The following EPB41L2 variants were observed in gnomAD, a reference collection of about 807,000 sequenced individuals.
EPB41L2 encodes the protein band 4.1-like protein 2.
A neutral mutation model predicts 113.0 loss-of-function variants in EPB41L2; 43 were observed. That is an observed-to-expected ratio of 0.38 (90% CI 0.30 to 0.49). EPB41L2 has a LOEUF of 0.49. Ranked by LOEUF, EPB41L2 falls within the 20% of genes least tolerant of loss-of-function variation. The pLI, the probability that EPB41L2 is intolerant of heterozygous loss-of-function variation, is 0.95. For synonymous variants in EPB41L2, 442 were observed against 436.7 expected, an observed-to-expected ratio of 1.01 and a Z score of -0.15; for missense variants, 1,147 against 1,223.4, an observed-to-expected ratio of 0.94 and a Z score of 0.93.
intron 1 of EPB41L2, among the ~76,000 whole-genome samples, chr6:131,030,647 T>C (rs1426091775): frequency 6.6e-6 from 1 of 152,242 alleles, no homozygotes; most frequent in Non-Finnish European, 1.5e-5. Context: ...ACCATTTATA[T>C]TATGATTCCA....
At chr6:130,949,779 A>C (rs148827865) in intron 3 of EPB41L2, among the ~76,000 whole-genome samples, 1 of 152,092 alleles carries the variant, frequency 6.6e-6, no homozygotes, top group Non-Finnish European at 1.5e-5. Flanking sequence ...AGACAGCAAG[A>C]CCAGTCCCTC....
chr6:130,982,582 T>C (rs530618986), intron 1 of EPB41L2, among the ~76,000 whole-genome samples: 6 of 152,192 alleles, frequency 3.9e-5, no homozygotes, highest in Non-Finnish European at 8.8e-5. Context: ...GAAACGGACA[T>C]GAAAACTTTG....
At chr6:130,868,730 T>C (rs1784694123) in intron 15 of EPB41L2, 1 of 152,194 alleles carries the variant, frequency 6.6e-6, no homozygotes, top group Non-Finnish European at 1.5e-5. Flanking sequence ...CCCAAGGAAA[T>C]AAACCCTCCC....
At chr6:130,990,279 C>A (rs1208577948) in intron 1 of EPB41L2, among the ~76,000 whole-genome samples, 1 of 151,776 alleles carries the variant, frequency 6.6e-6, no homozygotes, top group African/African-American at 2.4e-5. Flanking sequence ...CAAGATCACA[C>A]CATTGCACTC....
Position 130,974,717 on chromosome 6 carries a change from C to CTTTTTTTTTTTTTTT in EPB41L2, c.-14-18233_-14-18219dup, listed in dbSNP as rs71030723. Among the ~76,000 whole-genome samples the CTTTTTTTTTTTTTTT allele has an allele frequency of 6.6e-3, 425 of 64,680 alleles. 30 individuals carry two copies. Among genetic ancestry groups the CTTTTTTTTTTTTTTT allele is most frequent in the Non-Finnish European group, 9.3e-3 (341 of 36,708 alleles). 42.4% of individuals were successfully genotyped at this position (64,680 alleles called of 152,430 possible). A position where few individuals can be genotyped will look rare whatever the true frequency, so the allele number is the denominator to read the frequency against. On this transcript the variant is annotated intron_variant, in intron 1 of 19. Transcript: ENST00000337057. ...GGCAGCCTCTTTTTTCTTTTCTTTT[C>CTTTTTTTTTTTTTTT]TTTTTTTTTTTTTTTTTTTTTTTTT...
intron 1 of EPB41L2, among the ~76,000 whole-genome samples, chr6:131,010,714 G>T (rs1786731649): frequency 6.6e-6 from 1 of 152,280 alleles, no homozygotes; most frequent in East Asian, 1.9e-4. Context: ...CACCTGGCCA[G>T]AATTAAATCA....
intron 18 of EPB41L2, among the ~76,000 whole-genome samples, chr6:130,858,910 C>G (rs1332431034): frequency 1.1e-4 from 17 of 152,126 alleles, no homozygotes; most frequent in Admixed American, 1.1e-3. Flanking sequence ...AATACAGGTC[C>G]CTATTTGACA....
chr6:130,848,264 CAT>C (rs202169062), intron 19 of EPB41L2, among the ~76,000 whole-genome samples: 5,700 of 149,508 alleles, frequency 0.038, 137 homozygotes, highest in Middle Eastern at 0.045. Flanking sequence ...TGCATCGTGC[CAT>C]ATTAGTTTAA....
Position 131,062,854 on chromosome 6 carries a change from G to A in EPB41L2, c.-15+301C>T, listed in dbSNP as rs554787867. Among the ~76,000 whole-genome samples the A allele has an allele frequency of 3.9e-5, 6 of 152,050 alleles. No individual in the cohort carries two copies. In the East Asian group the frequency reaches 1.2e-3, roughly 30 times the overall value. On this transcript the variant is annotated intron_variant, in intron 1 of 19. Transcript: ENST00000337057. ...CCGGTCCCCCGGAAGAGGGAAGAGG[G>A]GGACCGCGGGGAGCAGCGAAGCCGG...
chr6:131,006,474 C>T (rs1460811569), intron 1 of EPB41L2, among the ~76,000 whole-genome samples: 1 of 151,586 alleles, frequency 6.6e-6, no homozygotes, highest in African/African-American at 2.4e-5. Flanking sequence ...CGAGCCTAGT[C>T]AACACGACAA....
At chr6:131,059,389 C>T (rs1798244244) in intron 1 of EPB41L2, among the ~76,000 whole-genome samples, 1 of 152,248 alleles carries the variant, frequency 6.6e-6, no homozygotes, top group South Asian at 2.1e-4. Context: ...GGTGGGATTA[C>T]AGGCGTGAGC....
At chr6:130,994,065 A>T (rs1782515304) in intron 1 of EPB41L2, among the ~76,000 whole-genome samples, 1 of 152,164 alleles carries the variant, frequency 6.6e-6, no homozygotes, top group African/African-American at 2.4e-5. Flanking sequence ...ACACATTCAC[A>T]AATCACAAGG....
chr6:130,900,831 A>G lies in EPB41L2; in HGVS notation c.1148+131T>C, dbSNP rs1299329542. On this transcript the variant is annotated intron_variant, in intron 7 of 19. Transcript: ENST00000337057. ...TCAAGGGCTCCACGTTGCCTTGATT[A>G]GTGCTAGGTGAAACTCCAAAAGGAA... is the stretch of plus-strand genomic sequence containing the variant. 4.2e-6 allele frequency: 4 copies of G among 955,336 alleles called. No individual in the cohort carries two copies. The African/African-American group carries it at 6.5e-5, about 16-fold the overall frequency. 59.2% of individuals were successfully genotyped at this position (955,336 alleles called of 1,614,324 possible). A position where few individuals can be genotyped will look rare whatever the true frequency, so the allele number is the denominator to read the frequency against.
At chr6:130,968,007 C>A (rs986458880) in intron 1 of EPB41L2, among the ~76,000 whole-genome samples, 1 of 152,106 alleles carries the variant, frequency 6.6e-6, no homozygotes, top group Non-Finnish European at 1.5e-5. Context: ...CAGATGCCAG[C>A]GAGTCTATTT....
At chr6:131,058,322 TAATTAA>T (rs1797991698) in intron 1 of EPB41L2, among the ~76,000 whole-genome samples, 1 of 152,184 alleles carries the variant, frequency 6.6e-6, no homozygotes, top group South Asian at 2.1e-4. Flanking sequence ...TCTGAAATTC[TAATTAA>T]AATTAATACT....
chr6:130,947,592 G>A (rs1386735777), intron 3 of EPB41L2, among the ~76,000 whole-genome samples: 5 of 152,044 alleles, frequency 3.3e-5, no homozygotes, highest in Non-Finnish European at 7.4e-5. Flanking sequence ...TCCCCAAATA[G>A]TCCTCAGACG....
At chr6:130,965,382 T>C (rs559921895) in intron 1 of EPB41L2, among the ~76,000 whole-genome samples, 1 of 152,246 alleles carries the variant, frequency 6.6e-6, no homozygotes, top group East Asian at 1.9e-4. Flanking sequence ...TGGTCCTTCA[T>C]AGGAAATACT....
chr6:130,923,340 C>T (rs9375779), intron 4 of EPB41L2, among the ~76,000 whole-genome samples: 64,562 of 152,058 alleles, frequency 0.42, 16,231 homozygotes, highest in Non-Finnish European at 0.53. Flanking sequence ...TTGCTTCAGC[C>T]TATCAATGGT....
At chr6:131,007,278 C>T (rs552784234) in intron 1 of EPB41L2, among the ~76,000 whole-genome samples, 1 of 152,308 alleles carries the variant, frequency 6.6e-6, no homozygotes, top group Non-Finnish European at 1.5e-5. Flanking sequence ...CTTCCCCCTT[C>T]GCTCAGCACT....
Sources: gnomAD v4.1 joint callset for allele counts (sites outside exome capture counted in the v4.1 genomes callset) on GRCh38, gnomAD v4.1.1 for gene constraint, MANE v1.5 for transcripts, NCBI Gene and HGNC (gene_info 2026-07-23, HGNC 2026-07-21) for gene names.